CCHCR1: variants seen among roughly 807,000 people sequenced by gnomAD.
CCHCR1 encodes coiled-coil alpha-helical rod protein 1, also known as HCR (a-helix coiled-coil rod homologue).
Under a neutral mutation model 114.6 loss-of-function variants are expected in CCHCR1, and 91 were observed. The ratio of observed to expected loss-of-function variants is 0.79; its 90% CI spans 0.67 to 0.94. CCHCR1 has a LOEUF of 0.94. CCHCR1 is among the 40% of genes least tolerant of loss of function. The probability of loss-of-function intolerance (pLI) is 0.00; values close to 1 mark genes in which losing one functional copy is unlikely to be tolerated. For missense variants in CCHCR1, 899 were observed against 1,079.9 expected, an observed-to-expected ratio of 0.83 and a Z score of 2.35; for synonymous variants, 379 against 428.5, an observed-to-expected ratio of 0.88 and a Z score of 1.43.
chr6:31,150,410 T>G lies in CCHCR1; in HGVS notation c.1212+45A>C. On this transcript the variant is annotated intron_variant, in intron 7 of 17. Coordinates refer to ENST00000396268, the MANE Select transcript of CCHCR1 (RefSeq NM_001105564.2). The surrounding 1 kb of genome is among the most constrained non-coding windows in gnomAD (Gnocchi z 5.3). ...AGGGAGGGAGGCAGGGGACAGTAGA[T>G]GCAGGATGCGGCTGAGGGTGAGGGG... 1 of 1,526,998 alleles carries G rather than the reference T, an allele frequency of 6.5e-7. No homozygotes were observed. Among genetic ancestry groups the G allele is most frequent in the Non-Finnish European group, 9.0e-7 (1 of 1,106,724 alleles). The allele number at this position is 1,526,998 out of a possible 1,614,324, so 94.6% of individuals were successfully genotyped here. A position where few individuals can be genotyped will look rare whatever the true frequency, so the allele number is the denominator to read the frequency against.
Position 31,145,458 on chromosome 6 carries a change from G to A in CCHCR1, c.1729C>T (p.Arg577Cys), listed in dbSNP as rs1173895969. The change falls in exon 12 of 18, where the codon CGC (arginine) becomes TGC (cysteine). Residue 577 changes from arginine (R) to cysteine (C), a missense_variant. Coordinates refer to ENST00000396268, the MANE Select transcript of CCHCR1 (RefSeq NM_001105564.2). The stretch of plus-strand genomic sequence containing the variant: ...GTGCCCAAACTTCACCTCTCCTGGC[G>A]CAGCTGAGCAAGGGCAAGCTTTCGA... Reference protein sequence around the residue: ...IARKLALAQLRQESCPLPPPV... With the variant: ...IARKLALAQLCQESCPLPPPV... 2.9e-5 allele frequency: 47 copies of A among 1,614,190 alleles called. No individual in the cohort carries two copies. Among genetic ancestry groups the A allele is most frequent in the African/African-American group, 5.3e-5 (4 of 75,042 alleles).
At chr6:31,148,837 GC>G in intron 8 of CCHCR1, 109 bp from the exon 9 acceptor site, 1 of 560,508 alleles carries the variant, frequency 1.8e-6, no homozygotes, top group Non-Finnish European at 3.2e-6. Flanking sequence ...CCATGCAGGG[GC>G]TGGGGGGAGG....
intron 4 of CCHCR1, among the ~76,000 whole-genome samples, chr6:31,153,226 G>A (rs375323742): frequency 2.9e-4 from 44 of 151,868 alleles, no homozygotes; most frequent in African/African-American, 1.1e-3. Flanking sequence ...CGCCCACCTC[G>A]GCCTCCCAAA....
chr6:31,149,915 C>A (rs1229448182), intron 8 of CCHCR1, 151 bp downstream of exon 8: 7 of 761,380 alleles, frequency 9.2e-6, no homozygotes, highest in African/African-American at 8.7e-5. Context: ...TGTCTCTGTT[C>A]TAGAATGCAA....
In CCHCR1 at chr6:31,151,812, G is replaced by T. The variant is rs1265109; in HGVS notation, c.802-690C>A. On this transcript the variant is annotated intron_variant, in intron 4 of 17. Transcript: ENST00000396268. The surrounding 1 kb of genome is among the most constrained non-coding windows in gnomAD (Gnocchi z 4.1). ...GTCTTTTGCTCATGGCACCTCAAAG[G>T]GTTGCAGGGGTGTCAGAGCCACCAA... 0.32 allele frequency among the ~76,000 whole-genome samples: 48,051 copies of T among 151,920 alleles called. 7,921 individuals carry two copies. The highest frequency in any genetic ancestry group is 0.52 in the East Asian group (2,679 of 5,148).
chr6:31,157,215 T>C, intron 1 of CCHCR1, 126 bp from the exon 2 acceptor site: 2 of 1,029,082 alleles, frequency 1.9e-6, no homozygotes, highest in Non-Finnish European at 3.0e-6. Context: ...GCTTAGCTCT[T>C]TTCCTACTTC....
chr6:31,146,410 G>A (rs1039439067), intron 10 of CCHCR1, among the ~76,000 whole-genome samples: 7 of 152,046 alleles, frequency 4.6e-5, no homozygotes, highest in African/African-American at 1.4e-4. Context: ...CACCAATGAC[G>A]GGCAGGTCCA....
chr6:31,156,474 AATCT>A (rs1776028672), intron 3 of CCHCR1: 1 of 508,630 alleles, frequency 2.0e-6, no homozygotes, highest in Non-Finnish European at 3.4e-6. Context: ...GCTGGTGGTC[AATCT>A]ATCTCCCCTC....
chr6:31,149,604 G>A (rs115600475), intron 8 of CCHCR1: 4,451 of 152,802 alleles, frequency 0.029, 81 homozygotes, highest in Middle Eastern at 0.044. Context: ...CACTATGACC[G>A]GCTAATTTTT....
intron 10 of CCHCR1, among the ~76,000 whole-genome samples, chr6:31,146,190 CA>C (rs1774305522): frequency 2.0e-5 from 3 of 152,064 alleles, no homozygotes; most frequent in Admixed American, 1.3e-4. Context: ...CTTAAAAACA[CA>C]AAAATTAGCC....
chr6:31,146,500 G>A (rs895111348), intron 10 of CCHCR1, among the ~76,000 whole-genome samples: 1 of 152,180 alleles, frequency 6.6e-6, no homozygotes, highest in Admixed American at 6.5e-5. Flanking sequence ...GGCCCCAGGA[G>A]GAGGCCAAGG....
chr6:31,145,699 G>A lies in CCHCR1; in HGVS notation c.1690C>T (p.Arg564Trp), dbSNP rs372314968. The change falls in exon 11 of 18, where the codon CGG (arginine) becomes TGG (tryptophan). Residue 564 changes from arginine to tryptophan, a missense_variant. Physicochemically the swap from Arg to Trp is moderately radical, Grantham distance 101 (BLOSUM62 -3). Transcript: ENST00000396268. ...GGCTCGCAGTTGTCCTACGCACCCCGAATGGTGTGGACCTTGCGGACAGCA... is the reference window on the plus strand; with the variant it reads ...GGCTCGCAGTTGTCCTACGCACCCCAAATGGTGTGGACCTTGCGGACAGCA... ...SYAVRKVHTI[R>W]GLIARKLALA... The A allele has an allele frequency of 2.5e-6, 4 of 1,611,772 alleles. No homozygotes were observed. The highest frequency in any genetic ancestry group is 4.5e-5 in the East Asian group (2 of 44,852).
intron 9 of CCHCR1, 47 bp downstream of exon 9, chr6:31,148,571 C>T: frequency 6.3e-7 from 1 of 1,595,596 alleles, no homozygotes; most frequent in Non-Finnish European, 8.6e-7. Flanking sequence ...AGCCCCGGAA[C>T]AGGGGCTCCC....
At chr6:31,157,848 G>T, upstream of CCHCR1, 1 of 556,038 alleles carries the variant, frequency 1.8e-6, no homozygotes. Flanking sequence ...CCGAATCTGG[G>T]ATCCCTACTC....
chr6:31,154,700 G>A lies in CCHCR1; in HGVS notation c.597C>T (p.Leu199=), dbSNP rs761851406. 5 of 1,609,928 alleles carry A rather than the reference G, an allele frequency of 3.1e-6. No homozygotes were observed. The highest frequency in any genetic ancestry group is 3.4e-6 in the Non-Finnish European group (4 of 1,179,956). ...TCTGCTGCAGCGAGGTCTCCCGCAG[G>A]AGCCGGACCTCCTCCTCCAGCCGCC... The part of the protein sequence containing the change: ...ELRRLEEEVR[L]LRETSLQQKM... The change falls in exon 4 of 18, where the codon CTC becomes CTT. Residue 199 remains leucine (L), a synonymous_variant. Coordinates refer to ENST00000396268, the MANE Select transcript of CCHCR1 (RefSeq NM_001105564.2). This position sits in a 1 kb window ranked among gnomAD's most constrained non-coding sequence, Gnocchi z 4.1.
rs748032751 is a variant in CCHCR1, at chr6:31,150,747, T to G, written c.1079A>C (p.Gln360Pro). Residue 360 changes from glutamine to proline, a missense_variant, in exon 6 of 18, where the codon CAG (glutamine) becomes CCG (proline). Physicochemically the swap from Gln to Pro is moderately conservative, Grantham distance 76 (BLOSUM62 -1). Coordinates refer to ENST00000396268, the MANE Select transcript of CCHCR1 (RefSeq NM_001105564.2). This position sits in a 1 kb window ranked among gnomAD's most constrained non-coding sequence, Gnocchi z 5.3. ...VHSQTWELERQKLLETMQHLQ... is the reference protein window; with the variant it reads ...VHSQTWELERPKLLETMQHLQ... Reference sequence around the variant, plus strand: ...CACCTGCATGGTTTCCAGAAGCTTCTGTCGCTCCAGTTCCCATGTCTGGCT... The same window carrying G: ...CACCTGCATGGTTTCCAGAAGCTTCGGTCGCTCCAGTTCCCATGTCTGGCT... 1.2e-6 allele frequency: 2 copies of G among 1,612,762 alleles called. No homozygotes were observed. Among genetic ancestry groups the G allele is most frequent in the East Asian group, 4.5e-5 (2 of 44,892 alleles).
rs1440255159 is a variant in CCHCR1, at chr6:31,143,105, G to A, written c.2349C>T (p.Ser783=). The change falls in exon 17 of 18, where the codon TCC becomes TCT. Residue 783 remains serine, a synonymous_variant. Transcript: ENST00000396268. The surrounding 1 kb of genome is among the most constrained non-coding windows in gnomAD (Gnocchi z 5.3). ...TCAACAGTCGCTGCTGCTTGTAACG[G>A]GAGAGGAGACCTTCCTGCTGCAAGG... is the stretch of plus-strand genomic sequence containing the variant. ...LATLQQEGLL[S]RYKQQRLLTV... 3.6e-5 allele frequency: 58 copies of A among 1,612,834 alleles called. No homozygotes were observed. Among genetic ancestry groups the A allele is most frequent in the Non-Finnish European group, 4.8e-5 (57 of 1,180,002 alleles).
chr6:31,151,234 A>G lies in CCHCR1; in HGVS notation c.802-112T>C, dbSNP rs1162266145. The G allele has an allele frequency of 2.5e-5, 29 of 1,159,606 alleles. No individual in the cohort carries two copies. In the East Asian group the frequency reaches 6.6e-4, roughly 26 times the overall value. 71.8% of individuals were successfully genotyped at this position (1,159,606 alleles called of 1,614,324 possible). On this transcript the variant is annotated intron_variant, in intron 4 of 17. Coordinates refer to ENST00000396268, the MANE Select transcript of CCHCR1 (RefSeq NM_001105564.2). This position sits in a 1 kb window ranked among gnomAD's most constrained non-coding sequence, Gnocchi z 4.1. ...AGAGAATGACCCAACCAATCAGCCA[A>G]CTGTGCACAGCAAATGGAGAGCTGG... is the stretch of plus-strand genomic sequence containing the variant.
Position 31,144,527 on chromosome 6 carries a change from T to A in CCHCR1, c.2167+160A>T. 1 of 631,710 alleles carries A rather than the reference T, an allele frequency of 1.6e-6. No individual in the cohort carries two copies. Among genetic ancestry groups the A allele is most frequent in the Non-Finnish European group, 2.8e-6 (1 of 356,724 alleles). The allele number at this position is 631,710 out of a possible 1,614,324, so 39.1% of individuals were successfully genotyped here. A position where few individuals can be genotyped will look rare whatever the true frequency, so the allele number is the denominator to read the frequency against. On this transcript the variant is annotated intron_variant, in intron 15 of 17. Transcript: ENST00000396268. This position sits in a 1 kb window ranked among gnomAD's most constrained non-coding sequence, Gnocchi z 4.6. ...GTTTCTTAATCTGGTGCTGGCTACA[T>A]GGGTGTGTTCACGATGTGATAATTC... is the stretch of plus-strand genomic sequence containing the variant.
Sources: gnomAD v4.1 joint callset for allele counts (sites outside exome capture counted in the v4.1 genomes callset) on GRCh38, gnomAD v4.1.1 for gene constraint, Gnocchi (gnomAD v3.1) non-coding constraint, MANE v1.5 for transcripts, NCBI Gene and HGNC (gene_info 2026-07-23, HGNC 2026-07-21) for gene names.